Variants in TBCEL observed in about 807,000 individuals in gnomAD.
TBCEL encodes tubulin-specific chaperone cofactor E-like protein.
A neutral mutation model predicts 44.2 loss-of-function variants in TBCEL; 15 were observed. The ratio of observed to expected loss-of-function variants is 0.34; its 90% CI spans 0.23 to 0.52. The LOEUF is 0.52. TBCEL is among the 20% of genes least tolerant of loss of function. TBCEL has a pLI of 0.95. For synonymous variants in TBCEL, 171 were observed against 185.4 expected, an observed-to-expected ratio of 0.92 and a Z score of 0.63; for missense variants, 319 against 506.3, an observed-to-expected ratio of 0.63 and a Z score of 3.55.
intron 8 of TBCEL, among the ~76,000 whole-genome samples, chr11:121,072,035 G>A (rs1008972642): frequency 1.3e-5 from 2 of 152,154 alleles, no homozygotes; most frequent in Non-Finnish European, 2.9e-5. Flanking sequence ...AGAAACAAAA[G>A]GGGCATTCTC....
At chr11:121,060,779 G>A (rs1224077881) in intron 8 of TBCEL, among the ~76,000 whole-genome samples, 1 of 151,860 alleles carries the variant, frequency 6.6e-6, no homozygotes, top group Non-Finnish European at 1.5e-5. Flanking sequence ...TATTGGAAAA[G>A]TTATGTGCTT....
chr11:121,089,133 G>A lies in TBCEL; in HGVS notation c.*2037G>A, dbSNP rs1591428869. On this transcript the variant is annotated 3_prime_UTR_variant, in exon 9 of 9. Transcript: ENST00000683345. ...TGAGCCCTTTGCTTTTGTCAGCCTG[G>A]GAAACAGATGCGTTCTTATTTTTTG... 1 of 152,118 alleles carries A rather than the reference G, an allele frequency of 6.6e-6. No homozygotes were observed. The highest frequency in any genetic ancestry group is 1.5e-5 in the Non-Finnish European group (1 of 68,022). 9.4% of individuals were successfully genotyped at this position (152,118 alleles called of 1,614,324 possible). A position where few individuals can be genotyped will look rare whatever the true frequency, so the allele number is the denominator to read the frequency against.
intron 2 of TBCEL, among the ~76,000 whole-genome samples, chr11:121,044,781 A>G (rs908175155): frequency 1.3e-5 from 2 of 152,044 alleles, no homozygotes; most frequent in Non-Finnish European, 1.5e-5. Context: ...CAGTGTTTGG[A>G]CCCTTAGCTG....
chr11:121,043,489 A>G (rs2134913884), intron 2 of TBCEL, among the ~76,000 whole-genome samples: 1 of 152,298 alleles, frequency 6.6e-6, no homozygotes, highest in South Asian at 2.1e-4. Flanking sequence ...TATCTGGCTA[A>G]TATCAAACAG....
intron 8 of TBCEL, among the ~76,000 whole-genome samples, chr11:121,062,735 G>A (rs1945747175): frequency 6.6e-6 from 1 of 152,118 alleles, no homozygotes; most frequent in Admixed American, 6.6e-5. Context: ...AGACTACTGG[G>A]AAATGAAAAT....
chr11:121,025,987 T>C (rs1240408939), intron 1 of TBCEL, among the ~76,000 whole-genome samples: 1 of 152,112 alleles, frequency 6.6e-6, no homozygotes, highest in African/African-American at 2.4e-5. Flanking sequence ...TATCACAACA[T>C]AGTTAAAGAA....
rs1435111248 is a variant in TBCEL at position 121,045,783 on chromosome 11, A to G, written c.93A>G (p.Gly31=). 8 of 1,611,366 alleles carry G rather than the reference A, an allele frequency of 5.0e-6. No homozygotes were observed. Among genetic ancestry groups the G allele is most frequent in the African/African-American group, 1.3e-5 (1 of 74,840 alleles). ...NFPYRRGPGM[G]VHVPATPQGS... Reference sequence around the variant, plus strand: ...CTTATCGCCGTGGCCCGGGGATGGGAGTCCATGTCCCAGCCACACCTCAGG... The same window carrying G: ...CTTATCGCCGTGGCCCGGGGATGGGGGTCCATGTCCCAGCCACACCTCAGG... Residue 31 remains glycine (G), a synonymous_variant, in exon 3 of 9, where the codon GGA becomes GGG. Coordinates refer to ENST00000683345, the MANE Select transcript of TBCEL (RefSeq NM_001363644.2).
chr11:121,068,351 G>A (rs542912805), intron 8 of TBCEL, among the ~76,000 whole-genome samples: 1 of 150,178 alleles, frequency 6.7e-6, no homozygotes, highest in African/African-American at 2.4e-5. Context: ...AGTCATTCTT[G>A]ATTTTTTTTC....
At chr11:121,032,250 C>T (rs1945159087) in intron 1 of TBCEL, among the ~76,000 whole-genome samples, 1 of 152,086 alleles carries the variant, frequency 6.6e-6, no homozygotes, top group Admixed American at 6.5e-5. Flanking sequence ...TTTACATGGG[C>T]ATGTTTCTGG....
intron 8 of TBCEL, among the ~76,000 whole-genome samples, chr11:121,068,587 T>TA (rs1422800733): frequency 6.6e-6 from 1 of 151,870 alleles, no homozygotes; most frequent in Non-Finnish European, 1.5e-5. Flanking sequence ...AGTTGATTTT[T>TA]AAAAAAACAA....
chr11:121,071,128 T>C (rs921947935), intron 8 of TBCEL, among the ~76,000 whole-genome samples: 1 of 152,188 alleles, frequency 6.6e-6, no homozygotes, highest in Non-Finnish European at 1.5e-5. Flanking sequence ...ATGTTTATTA[T>C]TTTTGCCTTG....
intron 3 of TBCEL, among the ~76,000 whole-genome samples, chr11:121,046,508 T>A (rs190157896): frequency 2.6e-5 from 4 of 152,174 alleles, no homozygotes; most frequent in Admixed American, 2.6e-4. Context: ...GGTTACTGAG[T>A]GTTTGCTGTT....
rs1168515002 is a variant in TBCEL at position 121,090,768 on chromosome 11, T to A, written c.*3672T>A. Reference sequence around the variant, plus strand: ...ATCTTTAAAAAAATTAAAATTCAAGTCCATTTTATCTTTGTGTTCTGATTT... The same window carrying A: ...ATCTTTAAAAAAATTAAAATTCAAGACCATTTTATCTTTGTGTTCTGATTT... On this transcript the variant is annotated 3_prime_UTR_variant, in exon 9 of 9. Coordinates refer to ENST00000683345, the MANE Select transcript of TBCEL (RefSeq NM_001363644.2). 6.6e-6 allele frequency: 1 copy of A among 151,642 alleles called. No homozygotes were observed. The highest frequency in any genetic ancestry group is 2.4e-5 in the African/African-American group (1 of 41,324). The allele number at this position is 151,642 out of a possible 1,614,324, so 9.4% of individuals were successfully genotyped here. A position where few individuals can be genotyped will look rare whatever the true frequency, so the allele number is the denominator to read the frequency against.
At position 121,088,773 on chromosome 11, in the gene TBCEL, A is replaced by C. The variant is rs1047495923; in HGVS notation, c.*1677A>C. ...TGGCAGATGTTTATTCTCTTAATGC[A>C]CTTCAGGTTTGCTATCTGTAAAGCC... On this transcript the variant is annotated 3_prime_UTR_variant, in exon 9 of 9. Coordinates refer to ENST00000683345, the MANE Select transcript of TBCEL (RefSeq NM_001363644.2). The C allele has an allele frequency of 5.3e-5, 8 of 152,090 alleles. No homozygotes were observed. The highest frequency in any genetic ancestry group is 1.7e-4 in the African/African-American group (7 of 41,430). The allele number at this position is 152,090 out of a possible 1,614,324, so 9.4% of individuals were successfully genotyped here. A position where few individuals can be genotyped will look rare whatever the true frequency, so the allele number is the denominator to read the frequency against.
chr11:121,054,222 C>G (rs948460567), intron 5 of TBCEL, among the ~76,000 whole-genome samples: 1 of 151,776 alleles, frequency 6.6e-6, no homozygotes. Context: ...TTTCGTTTGT[C>G]CCTATCTTTG....
At chr11:121,047,935 TAAAA>T (rs141948107) in intron 4 of TBCEL, 21 of 115,124 alleles carry the variant, frequency 1.8e-4, no homozygotes, top group Middle Eastern at 5.1e-3. Context: ...ATCTTTAATT[TAAAA>T]AAAAAAAAAA....
intron 2 of TBCEL, among the ~76,000 whole-genome samples, chr11:121,040,172 T>G (rs1719718770): frequency 6.6e-6 from 1 of 152,168 alleles, no homozygotes; most frequent in Non-Finnish European, 1.5e-5. Context: ...CTTTCCTTTT[T>G]TAATCTCTAC....
At chr11:121,052,692 A>G (rs1015338477) in intron 4 of TBCEL, among the ~76,000 whole-genome samples, 1 of 151,898 alleles carries the variant, frequency 6.6e-6, no homozygotes, top group African/African-American at 2.4e-5. Context: ...TTTATGATGT[A>G]TAAATATGGT....
chr11:121,057,569 C>T (rs776208755), intron 6 of TBCEL: 3 of 454,454 alleles, frequency 6.6e-6, no homozygotes, highest in South Asian at 4.7e-5. Context: ...TGGACTTCAT[C>T]CATGCATTCA....
Sources: allele counts gnomAD v4.1 joint callset (sites outside exome capture counted in the v4.1 genomes callset), GRCh38; gene constraint gnomAD v4.1.1; transcripts MANE v1.5; gene names NCBI Gene and HGNC (gene_info 2026-07-23, HGNC 2026-07-21).